Variants in TTN observed in about 807,000 individuals in gnomAD.
TTN encodes the protein connectin.
A neutral mutation model predicts 3,223.0 loss-of-function variants in TTN; 1,525 were observed. The observed-to-expected ratio is 0.47, with a 90% CI of 0.45 to 0.49. The LOEUF is 0.49. TTN is among the 20% of genes least tolerant of loss of function. The probability of loss-of-function intolerance (pLI) is 0.00; values close to 1 mark genes in which losing one functional copy is unlikely to be tolerated. For synonymous variants in TTN, 14,094 were observed against 15,161.0 expected (o/e 0.93, Z 5.17); for missense variants, 40,786 against 43,424.0 (o/e 0.94, Z 5.40).
rs1321176159 is a variant in TTN at position 178,528,419 on chromosome 2, A to G, written c.107232T>C (p.Ile35744=). ...EWFKNNLPIS[I]SSNVSISRSR... ...AGCGGCTTATGCTGACATTTGAAGAAATAGAAATCTAAGACAAAGGAAAAA... is the reference window on the plus strand; with the variant it reads ...AGCGGCTTATGCTGACATTTGAAGAGATAGAAATCTAAGACAAAGGAAAAA... The change falls in exon 361 of 363, where the codon ATT becomes ATC. Residue 35744 remains isoleucine, a synonymous_variant. Transcript: ENST00000589042. The G allele has an allele frequency of 6.2e-7, 1 of 1,612,744 alleles. No individual in the cohort carries two copies. Among genetic ancestry groups the G allele is most frequent in the African/African-American group, 1.3e-5 (1 of 74,880 alleles).
Position 178,571,759 on chromosome 2 carries a change from A to G in TTN, c.74373T>C (p.Thr24791=). The change falls in exon 326 of 363, where the codon ACT becomes ACC. Residue 24791 remains threonine, a synonymous_variant. Transcript: ENST00000589042. Reference sequence around the variant, plus strand: ...TTTCAATAGCTTCACCAGCTGAGTTAGTCAGTTTAACCACATAATGGCCAA... The same window carrying G: ...TTTCAATAGCTTCACCAGCTGAGTTGGTCAGTTTAACCACATAATGGCCAA... ...EDVGHYVVKL[T]NSAGEAIETL... is the part of the protein sequence containing the mutation. 2 of 1,613,400 alleles carry G rather than the reference A, an allele frequency of 1.2e-6. No individual in the cohort carries two copies. The highest frequency in any genetic ancestry group is 8.5e-7 in the Non-Finnish European group (1 of 1,179,532).
At chr2:178,702,276 T>C in intron 107 of TTN, 31 bp from the exon 108 acceptor site, 1 of 1,613,700 alleles carries the variant, frequency 6.2e-7, no homozygotes, top group East Asian at 2.2e-5. Context: ...ACTTTTGTTT[T>C]CTGATATGTT....
Position 178,624,445 on chromosome 2 carries a change from T to C in TTN, c.44815+20A>G. On this transcript the variant is annotated intron_variant, in intron 242 of 362. Coordinates refer to ENST00000589042, the MANE Select transcript of TTN (RefSeq NM_001267550.2). ...TTAAAGAATTGCAAATGAAAAGTCC[T>C]TTGTAAGAAGAATACTTACGCACGA... The C allele has an allele frequency of 1.2e-6, 2 of 1,610,214 alleles. No individual in the cohort carries two copies. The highest frequency in any genetic ancestry group is 1.7e-6 in the Non-Finnish European group (2 of 1,178,482).
At position 178,545,459 on chromosome 2, in the gene TTN, G is replaced by A. The variant is rs977811552; in HGVS notation, c.95651C>T (p.Thr31884Ile). The change falls in exon 344 of 363, where the codon ACC becomes ATC. Residue 31884 changes from threonine (T) to isoleucine (I), a missense_variant. Coordinates refer to ENST00000589042, the MANE Select transcript of TTN (RefSeq NM_001267550.2). ...MEGCDYQFRV[T>I]AVNAAGNSEP... is the part of the protein sequence containing the mutation. Reference sequence around the variant, plus strand: ...ACTGTTACCAGCTGCATTCACTGCGGTCACCCGGAACTGGTAATCACAACC... The same window carrying A: ...ACTGTTACCAGCTGCATTCACTGCGATCACCCGGAACTGGTAATCACAACC... 4 of 1,611,920 alleles carry A rather than the reference G, an allele frequency of 2.5e-6. No individual in the cohort carries two copies. In the Admixed American group the frequency reaches 5.0e-5, roughly 20 times the overall value.
chr2:178,584,737 C>T lies in TTN; in HGVS notation c.64904G>A (p.Arg21635His), dbSNP rs756768598. 37 of 1,613,466 alleles carry T rather than the reference C, an allele frequency of 2.3e-5. No homozygotes were observed. The highest frequency in any genetic ancestry group is 1.7e-4 in the Middle Eastern group (1 of 6,056). Reference protein sequence around the residue: ...IPGQEYIFRVRAENRFGISEP... With the variant: ...IPGQEYIFRVHAENRFGISEP... ...TGAAATGCCAAATCGGTTTTCAGCA[C>T]GGACCCGGAAGATGTACTCCTGGCC... is the stretch of plus-strand genomic sequence containing the variant. The change falls in exon 310 of 363, where the codon CGT (arginine) becomes CAT (histidine). Residue 21635 changes from arginine to histidine, a missense_variant. Physicochemically the swap from Arg to His is conservative, Grantham distance 29. Coordinates refer to ENST00000589042, the MANE Select transcript of TTN (RefSeq NM_001267550.2).
chr2:178,744,528 T>C (rs747610960), intron 47 of TTN: 1 of 872,596 alleles, frequency 1.1e-6, no homozygotes, highest in Non-Finnish European at 1.4e-6. Flanking sequence ...AAAGAGTTAC[T>C]TTAGAAACAT....
In TTN at chr2:178,694,799, C is replaced by T. The variant is rs371928443; in HGVS notation, c.31348+30G>A. 1.1e-3 allele frequency: 1,688 copies of T among 1,527,396 alleles called. 2 individuals are homozygous for T. The highest frequency in any genetic ancestry group is 1.4e-3 in the Non-Finnish European group (1,623 of 1,124,880). The allele number at this position is 1,527,396 out of a possible 1,614,324, so 94.6% of individuals were successfully genotyped here. A position where few individuals can be genotyped will look rare whatever the true frequency, so the allele number is the denominator to read the frequency against. The stretch of plus-strand genomic sequence containing the variant: ...GATCAGTAAACATATTACTTGTGTA[C>T]ATGGGTGCTAGGAATGTTTTAAATA... On this transcript the variant is annotated intron_variant, in intron 116 of 362. Coordinates refer to ENST00000589042, the MANE Select transcript of TTN (RefSeq NM_001267550.2).
In TTN at chr2:178,694,861, C is replaced by T; in HGVS notation, c.31316G>A (p.Arg10439Lys). 6.4e-7 allele frequency: 1 copy of T among 1,560,180 alleles called. No homozygotes were observed. Among genetic ancestry groups the T allele is most frequent in the Non-Finnish European group, 8.7e-7 (1 of 1,150,330 alleles). The change falls in exon 116 of 363, where the codon AGA becomes AAA. Residue 10439 changes from arginine (R) to lysine (K), a missense_variant. Arg to Lys is a conservative substitution (Grantham distance 26). Transcript: ENST00000589042. ...GACTTGAACTTTTTCTTCCTCCATTCTTCGAGAAGTCTTTTCAATTTTTTC... is the reference window on the plus strand; with the variant it reads ...GACTTGAACTTTTTCTTCCTCCATTTTTCGAGAAGTCTTTTCAATTTTTTC... The part of the protein sequence containing the change: ...VIEKIEKTSR[R>K]MEEEKVQVTK...
intron 263 of TTN, 84 bp from the exon 264 acceptor site, chr2:178,613,360 T>C: frequency 9.5e-7 from 1 of 1,054,876 alleles, no homozygotes; most frequent in South Asian, 1.6e-5. Context: ...AGAGACTAAT[T>C]TATTTAAATT....
chr2:178,566,013 G>T lies in TTN; in HGVS notation c.80119C>A (p.Pro26707Thr). ...ACCTTTGCCCCTCCATCAATGATGG[G>T]TGGCTCCCATACCAGGAAGGCAGAA... is the stretch of plus-strand genomic sequence containing the variant. Reference protein sequence around the residue: ...KDSAFLVWEPPIIDGGAKVKN... With the variant: ...KDSAFLVWEPTIIDGGAKVKN... The change falls in exon 326 of 363, where the codon CCC becomes ACC. Residue 26707 changes from proline (P) to threonine (T), a missense_variant. Physicochemically the swap from Pro to Thr is conservative, Grantham distance 38. Coordinates refer to ENST00000589042, the MANE Select transcript of TTN (RefSeq NM_001267550.2). 1 of 1,613,508 alleles carries T rather than the reference G, an allele frequency of 6.2e-7. No individual in the cohort carries two copies. The highest frequency in any genetic ancestry group is 8.5e-7 in the Non-Finnish European group (1 of 1,179,602).
In TTN at chr2:178,549,348, C is replaced by G. The variant is rs936029222; in HGVS notation, c.92278G>C (p.Glu30760Gln). The G allele has an allele frequency of 6.2e-7, 1 of 1,613,880 alleles. No homozygotes were observed. Among genetic ancestry groups the G allele is most frequent in the East Asian group, 2.2e-5 (1 of 44,868 alleles). The change falls in exon 339 of 363, where the codon GAA becomes CAA. Residue 30760 changes from glutamate (E) to glutamine (Q), a missense_variant. Transcript: ENST00000589042. Reference protein sequence around the residue: ...EIQQYILERREKKSTRWVKVI... With the variant: ...EIQQYILERRQKKSTRWVKVI... ...TTTACCCATCTTGTGCTTTTCTTTT[C>G]TCTTCTTTCAAGGATATACTGTTGA... is the stretch of plus-strand genomic sequence containing the variant.
chr2:178,560,455 A>G lies in TTN; in HGVS notation c.85677T>C (p.Ile28559=). ...TVPSPPTSLE[I]TSVTKESMTL... is the part of the protein sequence containing the mutation. ...TCATAGATTCTTTGGTCACAGAAGT[A>G]ATTTCCAAAGACGTGGGTGGACTTG... The change falls in exon 326 of 363, where the codon ATT becomes ATC. Residue 28559 remains isoleucine (I), a synonymous_variant. Transcript: ENST00000589042. 1 of 1,613,554 alleles carries G rather than the reference A, an allele frequency of 6.2e-7. No individual in the cohort carries two copies. The highest frequency in any genetic ancestry group is 8.5e-7 in the Non-Finnish European group (1 of 1,179,746).
chr2:178,536,648 A>AGAATGTTAT, intron 356 of TTN, 73 bp from the exon 357 acceptor site: 1 of 1,315,048 alleles, frequency 7.6e-7, no homozygotes, highest in Non-Finnish European at 1.0e-6. Flanking sequence ...TTTTTAAAAA[A>AGAATGTTAT]GAATGTTATA....
At position 178,609,772 on chromosome 2, in the gene TTN, CTCTT is replaced by C; in HGVS notation, c.51647_51650del (p.Lys17216SerfsTer27). Reference sequence around the variant, plus strand: ...TCTCTGCTCGCACACGGAATTGGTACTCTTTCCCCTCTTCAAGTCCTTTTGCTGT... The same window carrying C: ...TCTCTGCTCGCACACGGAATTGGTACTCCCCTCTTCAAGTCCTTTTGCTGT... On this transcript the variant is annotated frameshift_variant, in exon 272 of 363. Transcript: ENST00000589042. LOFTEE classifies it high-confidence loss of function. 1 of 1,612,742 alleles carries C rather than the reference CTCTT, an allele frequency of 6.2e-7. No individual in the cohort carries two copies. Among genetic ancestry groups the C allele is most frequent in the East Asian group, 2.2e-5 (1 of 44,786 alleles).
chr2:178,805,817 C>T (rs1237953035), intron 1 of TTN, among the ~76,000 whole-genome samples: 3 of 152,090 alleles, frequency 2.0e-5, no homozygotes, highest in African/African-American at 7.2e-5. Context: ...GTGAAAAGGC[C>T]TATGCTTTCA....
rs1060500463 is a variant in TTN, at chr2:178,561,800, C to T, written c.84332G>A (p.Arg28111Lys). ...CAGGCGAACTATTTTAATGGATGTT[C>T]TTGCAACTGCTTGTGAAACTATGTG... ...TWHIVSQAVA[R>K]TSIKIVRLTT... Residue 28111 changes from arginine (R) to lysine (K), a missense_variant, in exon 326 of 363, where the codon AGA (arginine) becomes AAA (lysine). Transcript: ENST00000589042. 1.2e-6 allele frequency: 2 copies of T among 1,613,616 alleles called. No homozygotes were observed. Among genetic ancestry groups the T allele is most frequent in the African/African-American group, 1.3e-5 (1 of 75,038 alleles).
intron 356 of TTN, 171 bp from the exon 357 acceptor site, chr2:178,536,746 A>G (rs986065109): frequency 6.3e-6 from 5 of 789,338 alleles, no homozygotes; most frequent in Non-Finnish European, 9.3e-6. Flanking sequence ...CCAAAGTTCT[A>G]TTTTTACAAT....
Position 178,575,436 on chromosome 2 carries a change from C to G in TTN, c.70696G>C (p.Gly23566Arg), listed in dbSNP as rs55801134. 21,155 of 1,613,574 alleles carry G rather than the reference C, an allele frequency of 0.013. 207 individuals are homozygous for G. Among genetic ancestry groups the G allele is most frequent in the Non-Finnish European group, 0.014 (16,458 of 1,179,632 alleles). Reference protein sequence around the residue: ...PKHDGGSKITGYVIEAQRKGS... With the variant: ...PKHDGGSKITRYVIEAQRKGS... ...TTTCTTTGGGCTTCAATCACATAGC[C>G]AGTGATCTTGCTGCCACCATCGTGT... The change falls in exon 326 of 363, where the codon GGC (glycine) becomes CGC (arginine). Residue 23566 changes from glycine (G) to arginine (R), a missense_variant. By Grantham distance (125) the Gly-to-Arg change is moderately radical (BLOSUM62 -2). Transcript: ENST00000589042. This position sits in a 1 kb window ranked among gnomAD's most constrained non-coding sequence, Gnocchi z 4.0.
rs1193943742 is a variant in TTN, at chr2:178,696,089, G to C, written c.30983C>G (p.Pro10328Arg). The C allele has an allele frequency of 7.1e-6, 11 of 1,551,036 alleles. No homozygotes were observed. In the South Asian group the frequency reaches 1.2e-4, roughly 17 times the overall value. ...AGGTTGTTCAAATGGCTCTGTGTAT[G>C]GTTCTACCTCCAGTTCGTCATAAGG... ...EEPYDELEVE[P>R]YTEPFEQPYY... Residue 10328 changes from proline to arginine, a missense_variant, in exon 114 of 363, where the codon CCA becomes CGA. Pro to Arg is a moderately radical substitution (Grantham distance 103). Transcript: ENST00000589042.
Sources: allele counts gnomAD v4.1 joint callset (sites outside exome capture counted in the v4.1 genomes callset), GRCh38; gene constraint gnomAD v4.1.1; non-coding constraint Gnocchi (gnomAD v3.1); transcripts MANE v1.5; gene names NCBI Gene and HGNC (gene_info 2026-07-23, HGNC 2026-07-21).